The following COL4A5 variants were observed in gnomAD, a reference collection of about 807,000 sequenced individuals.
COL4A5 encodes the protein collagen alpha-5(IV) chain.
Under a neutral mutation model 130.2 loss-of-function variants are expected in COL4A5, and 26 were observed. The ratio of observed to expected loss-of-function variants is 0.20; its 90% CI spans 0.15 to 0.28. The LOEUF is 0.28. Among genes scored for constraint, COL4A5 ranks in the 10% least tolerant of loss-of-function variants. COL4A5 has a pLI of 1.00. For missense variants in COL4A5, 1,131 were observed against 1,344.3 expected (o/e 0.84, Z 2.48); for synonymous variants, 496 against 439.6 (o/e 1.13, Z -1.60).
intron 1 of COL4A5, among the ~76,000 whole-genome samples, chrX:108,453,747 A>G (rs1603245893): frequency 8.9e-6 from 1 of 111,921 alleles, no homozygotes; most frequent in South Asian, 3.7e-4. Flanking sequence ...CAGAGATGGA[A>G]GCTGTATTTT....
chrX:108,592,953 G>T (rs2066460089), intron 21 of COL4A5, among the ~76,000 whole-genome samples: 2 of 110,850 alleles, frequency 1.8e-5, no homozygotes, highest in East Asian at 2.8e-4. Context: ...TACTGTATGA[G>T]CTCTTTTGTG....
chrX:108,684,183 C>G (rs1324837390), intron 47 of COL4A5, among the ~76,000 whole-genome samples: 2 of 110,546 alleles, frequency 1.8e-5, no homozygotes, highest in Admixed American at 1.9e-4. Context: ...AAATCAATAC[C>G]CTTATATCAA....
At chrX:108,538,289 G>A (rs16985510) in intron 1 of COL4A5, among the ~76,000 whole-genome samples, 1,570 of 111,748 alleles carry the variant, frequency 0.014, 22 homozygotes, top group African/African-American at 0.049. Flanking sequence ...TGTAGTTAGC[G>A]TAAAATACTA....
chrX:108,546,151 A>G (rs761971076), intron 2 of COL4A5, among the ~76,000 whole-genome samples: 8 of 111,843 alleles, frequency 7.2e-5, no homozygotes, highest in African/African-American at 1.3e-4. Flanking sequence ...TCCTGTCATT[A>G]TGATGTTAGC....
intron 18 of COL4A5, among the ~76,000 whole-genome samples, chrX:108,585,267 T>C (rs1458301055): frequency 2.7e-5 from 3 of 112,291 alleles, no homozygotes; most frequent in Admixed American, 9.5e-5. Context: ...TGTCCAGACA[T>C]GTTAGTAACA....
In COL4A5 at chrX:108,677,735, A is replaced by G. The variant is rs1254375911; in HGVS notation, c.3942+102A>G. The G allele has an allele frequency of 4.0e-6, 4 of 1,008,862 alleles. No individual in the cohort carries two copies. In the African/African-American group the frequency reaches 5.6e-5, roughly 14 times the overall value. 83.1% of individuals were successfully genotyped at this position (1,008,862 alleles called of 1,213,427 possible). On this transcript the variant is annotated intron_variant, in intron 44 of 52. Coordinates refer to ENST00000328300, the MANE Select transcript of COL4A5 (RefSeq NM_033380.3). Reference sequence around the variant, plus strand: ...CATTTTAATTAACACTCACTAGACAAGGTTCTATGTGTGGCTCACTGGCGA... The same window carrying G: ...CATTTTAATTAACACTCACTAGACAGGGTTCTATGTGTGGCTCACTGGCGA...
chrX:108,569,490 G>T (rs1191484098), intron 6 of COL4A5, among the ~76,000 whole-genome samples: 5 of 110,925 alleles, frequency 4.5e-5, no homozygotes, highest in Non-Finnish European at 9.4e-5. Flanking sequence ...AATTTGCTCT[G>T]CTTGTAAGCT....
intron 30 of COL4A5, 59 bp downstream of exon 30, chrX:108,615,083 A>G: frequency 1.2e-6 from 1 of 827,609 alleles, no homozygotes; most frequent in African/African-American, 2.0e-5. Context: ...TTGTTAGCTC[A>G]TCAATAAAGT....
At chrX:108,662,983 G>T (rs758955830) in intron 37 of COL4A5, among the ~76,000 whole-genome samples, 8 of 112,232 alleles carry the variant, frequency 7.1e-5, no homozygotes, top group Non-Finnish European at 1.3e-4. Context: ...TTATCACCTA[G>T]TGATATCATA....
At chrX:108,452,466 G>C (rs1229154397) in intron 1 of COL4A5, among the ~76,000 whole-genome samples, 1 of 112,091 alleles carries the variant, frequency 8.9e-6, no homozygotes, top group Non-Finnish European at 1.9e-5. Context: ...AGCATGACAT[G>C]TTCTTCCATT....
intron 1 of COL4A5, among the ~76,000 whole-genome samples, chrX:108,476,089 A>G (rs1005331068): frequency 4.5e-5 from 5 of 111,565 alleles, no homozygotes; most frequent in Non-Finnish European, 9.4e-5. Context: ...GTAGGTTTTA[A>G]GGGATATCCT....
At chrX:108,554,971 A>T (rs28626524) in intron 2 of COL4A5, among the ~76,000 whole-genome samples, 10,445 of 112,382 alleles carry the variant, frequency 0.093, 1,089 homozygotes, top group African/African-American at 0.31. Flanking sequence ...ACTGCTTTTA[A>T]AACATATGTT....
chrX:108,591,493 G>A (rs1258863814), intron 20 of COL4A5, 68 bp from the exon 21 acceptor site: 10 of 930,573 alleles, frequency 1.1e-5, no homozygotes, highest in Admixed American at 2.3e-5. Flanking sequence ...TGGCTTGTCA[G>A]GCTTTCTTTT....
At chrX:108,655,890 A>C (rs1172251590) in intron 37 of COL4A5, among the ~76,000 whole-genome samples, 1 of 112,734 alleles carries the variant, frequency 8.9e-6, no homozygotes, top group African/African-American at 3.2e-5. Flanking sequence ...TGAGCCATTC[A>C]AGTAAGAGAT....
intron 29 of COL4A5, among the ~76,000 whole-genome samples, chrX:108,608,411 A>G (rs767748236): frequency 9.0e-6 from 1 of 111,578 alleles, no homozygotes; most frequent in South Asian, 3.9e-4. Flanking sequence ...AAAATTTTAA[A>G]TATAACAAAG....
intron 47 of COL4A5, among the ~76,000 whole-genome samples, chrX:108,684,028 G>A (rs1336783220): frequency 1.8e-5 from 2 of 111,259 alleles, no homozygotes; most frequent in Non-Finnish European, 3.8e-5. Flanking sequence ...GGTAAATAAC[G>A]AAATTAAGGC....
At chrX:108,539,894 C>T in intron 2 of COL4A5, 89 bp downstream of exon 2, 1 of 715,938 alleles carries the variant, frequency 1.4e-6, no homozygotes, top group South Asian at 2.2e-5. Flanking sequence ...GAGCTTCTAT[C>T]TCAGTACTTA....
intron 30 of COL4A5, among the ~76,000 whole-genome samples, chrX:108,617,090 C>A (rs770344294): frequency 9.0e-6 from 1 of 110,690 alleles, no homozygotes; most frequent in East Asian, 2.8e-4. Context: ...TCTCAAATCA[C>A]AGTACTTTTC....
At chrX:108,687,303 C>G (rs2068564480) in intron 48 of COL4A5, among the ~76,000 whole-genome samples, 179 bp from the exon 49 acceptor site, 1 of 112,065 alleles carries the variant, frequency 8.9e-6, no homozygotes, top group Admixed American at 9.5e-5. Context: ...CATACAGACT[C>G]TCCAAATAAG....
Sources: gnomAD v4.1 joint callset for allele counts (sites outside exome capture counted in the v4.1 genomes callset) on GRCh38, gnomAD v4.1.1 for gene constraint, MANE v1.5 for transcripts, NCBI Gene and HGNC (gene_info 2026-07-23, HGNC 2026-07-21) for gene names.